Variants in REL observed in about 807,000 individuals in gnomAD.
REL encodes the protein proto-oncogene c-Rel.
REL carries 15 observed loss-of-function variants against 45.9 expected under a neutral mutation model. The observed-to-expected ratio is 0.33, with a 90% confidence interval of 0.22 to 0.50. The LOEUF (loss-of-function observed/expected upper bound fraction) is 0.50. Among genes scored for constraint, REL ranks in the 20% least tolerant of loss-of-function variants. REL has a pLI of 0.98. For synonymous variants in REL, 239 were observed against 242.1 expected (o/e 0.99, Z 0.12); for missense variants, 601 against 715.2 (o/e 0.84, Z 1.82).
chr2:60,896,456 C>T (rs890741289), intron 3 of REL, among the ~76,000 whole-genome samples: 2 of 151,844 alleles, frequency 1.3e-5, no homozygotes, highest in Non-Finnish European at 2.9e-5. Context: ...TTATGTTTTT[C>T]TTTTAACTTA....
Position 60,921,819 on chromosome 2 carries a change from A to C in REL, c.1048A>C (p.Ser350Arg), listed in dbSNP as rs770151737. The C allele has an allele frequency of 1.9e-6, 3 of 1,614,080 alleles. No homozygotes were observed. Among genetic ancestry groups the C allele is most frequent in the Non-Finnish European group, 1.7e-6 (2 of 1,179,956 alleles). Residue 350 changes from serine (S) to arginine (R), a missense_variant, in exon 10 of 10, where the codon AGT (serine) becomes CGT (arginine). Physicochemically the swap from Ser to Arg is moderately radical, Grantham distance 110. This residue lies in a region of REL where 334 missense variants were observed against 333.1 expected (regional missense o/e 1.00). Coordinates refer to ENST00000394479, the MANE Select transcript of REL (RefSeq NM_001291746.2). ...VVREMPTGVS[S>R]QAESYYPSPG... Reference sequence around the variant, plus strand: ...GAGAGAAATGCCTACAGGGGTTTCAAGTCAAGCAGAATCCTACTATCCCTC... The same window carrying C: ...GAGAGAAATGCCTACAGGGGTTTCACGTCAAGCAGAATCCTACTATCCCTC...
intron 9 of REL, among the ~76,000 whole-genome samples, chr2:60,921,065 A>G (rs1048369698): frequency 2.6e-5 from 4 of 152,142 alleles, no homozygotes; most frequent in Admixed American, 2.6e-4. Context: ...ATAGCTCACA[A>G]AGCCTAAAAT....
Position 60,925,223 on chromosome 2 carries a change from T to G in REL, c.*2688T>G. 5.1e-6 allele frequency: 1 copy of G among 197,048 alleles called. No individual in the cohort carries two copies. The highest frequency in any genetic ancestry group is 1.1e-5 in the Non-Finnish European group (1 of 94,838). 12.2% of individuals were successfully genotyped at this position (197,048 alleles called of 1,614,324 possible). A position where few individuals can be genotyped will look rare whatever the true frequency, so the allele number is the denominator to read the frequency against. On this transcript the variant is annotated 3_prime_UTR_variant, in exon 10 of 10. Coordinates refer to ENST00000394479, the MANE Select transcript of REL (RefSeq NM_001291746.2). ...TCCTAGCAAGAAACAGTCTGTCATT[T>G]TACTTACACGATGTCTAACCAAACC...
At chr2:60,908,021 C>T (rs755980884) in intron 4 of REL, among the ~76,000 whole-genome samples, 2 of 152,012 alleles carry the variant, frequency 1.3e-5, no homozygotes, top group Non-Finnish European at 2.9e-5. Context: ...AAAAATATCA[C>T]AGTTGTTTTC....
At position 60,928,354 on chromosome 2, in the gene REL, C is replaced by G. The variant is rs568024457; in HGVS notation, c.*5819C>G. The G allele has an allele frequency of 1.3e-5, 2 of 152,008 alleles. No individual in the cohort carries two copies. The highest frequency in any genetic ancestry group is 4.8e-5 in the African/African-American group (2 of 41,444). The allele number at this position is 152,008 out of a possible 1,614,324, so 9.4% of individuals were successfully genotyped here. ...AGTTCATATGGAACCAAAAAAGAGCCCATATCGCCAAGTCAATCCTAAGCC... is the reference window on the plus strand; with the variant it reads ...AGTTCATATGGAACCAAAAAAGAGCGCATATCGCCAAGTCAATCCTAAGCC... On this transcript the variant is annotated 3_prime_UTR_variant, in exon 10 of 10. Coordinates refer to ENST00000394479, the MANE Select transcript of REL (RefSeq NM_001291746.2).
Position 60,901,080 on chromosome 2 carries a change from A to C in REL, c.391A>C (p.Asn131His), listed in dbSNP as rs1673480838. Residue 131 changes from asparagine (N) to histidine (H), a missense_variant, in exon 4 of 10, where the codon AAT becomes CAT. Asn to His is a moderately conservative substitution (Grantham distance 68). Around this residue, in one of 4 missense-constraint regions of REL, gnomAD observed 241 missense variants for 347.0 expected, o/e 0.69. Transcript: ENST00000394479. ...TRIKAGINPF[N>H]VPEKQLNDIE... ...AATAAAGGCAGGAATCAATCCATTC[A>C]ATGGTAAGTATGTTTGATAAAATCA... 5.0e-6 allele frequency: 8 copies of C among 1,588,506 alleles called. No homozygotes were observed. The highest frequency in any genetic ancestry group is 6.8e-6 in the Non-Finnish European group (8 of 1,170,972).
chr2:60,884,624 G>T (rs556494104), intron 1 of REL, among the ~76,000 whole-genome samples: 1 of 152,134 alleles, frequency 6.6e-6, no homozygotes, highest in African/African-American at 2.4e-5. Context: ...CCTTCTCATT[G>T]TTCCAGTAAA....
intron 8 of REL, 111 bp downstream of exon 8, chr2:60,920,220 G>A: frequency 1.1e-6 from 1 of 880,408 alleles, no homozygotes; most frequent in Non-Finnish European, 1.8e-6. Flanking sequence ...TTTGTTTTTT[G>A]AGATAGCATC....
rs1429265 is a variant in REL, at chr2:60,925,947, G to T, written c.*3412G>T. 0.96 allele frequency: 217,203 copies of T among 226,354 alleles called. 104,273 individuals are homozygous for T. The highest frequency in any genetic ancestry group is 1 in the East Asian group (15,714 of 15,730). 14.0% of individuals were successfully genotyped at this position (226,354 alleles called of 1,614,324 possible). On this transcript the variant is annotated 3_prime_UTR_variant, in exon 10 of 10. Coordinates refer to ENST00000394479, the MANE Select transcript of REL (RefSeq NM_001291746.2). ...AATTAAGGTTCTGCTACCTCTGTGT[G>T]TAGAATATTCCCAATGGATTTTTCA...
At chr2:60,904,190 C>G (rs1233260068) in intron 4 of REL, among the ~76,000 whole-genome samples, 2 of 150,088 alleles carry the variant, frequency 1.3e-5, no homozygotes, top group African/African-American at 2.5e-5. Flanking sequence ...ATCACGAGAT[C>G]AGGAGTTCGA....
intron 1 of REL, among the ~76,000 whole-genome samples, chr2:60,890,792 C>T (rs759792727): frequency 5.3e-5 from 8 of 152,156 alleles, no homozygotes; most frequent in Non-Finnish European, 8.8e-5. Flanking sequence ...CCCTGCCTTT[C>T]CTATCCACCA....
Position 60,924,014 on chromosome 2 carries a change from G to A in REL, c.*1479G>A, listed in dbSNP as rs1256092221. 1 of 232,804 alleles carries A rather than the reference G, an allele frequency of 4.3e-6. No homozygotes were observed. Among genetic ancestry groups the A allele is most frequent in the East Asian group, 6.1e-5 (1 of 16,524 alleles). The allele number at this position is 232,804 out of a possible 1,614,324, so 14.4% of individuals were successfully genotyped here. A position where few individuals can be genotyped will look rare whatever the true frequency, so the allele number is the denominator to read the frequency against. On this transcript the variant is annotated 3_prime_UTR_variant, in exon 10 of 10. Transcript: ENST00000394479. ...CTCCTCATGCAGCTCCAGGCACCTT[G>A]GCCTCAGTGCTCCTCAAAGCATCAA... is the stretch of plus-strand genomic sequence containing the variant.
chr2:60,914,840 T>TG (rs1054181663), intron 4 of REL, among the ~76,000 whole-genome samples: 2 of 147,454 alleles, frequency 1.4e-5, no homozygotes, highest in African/African-American at 2.6e-5. Flanking sequence ...TTTTTGTTTT[T>TG]TTTTTTTTTT....
intron 4 of REL, among the ~76,000 whole-genome samples, chr2:60,914,827 GT>G (rs1416967378): frequency 2.3e-5 from 3 of 130,378 alleles, no homozygotes; most frequent in Non-Finnish European, 1.7e-5. Flanking sequence ...CCCATAGCTT[GT>G]TTTTTTGTTT....
intron 4 of REL, among the ~76,000 whole-genome samples, chr2:60,912,948 G>A (rs187026178): frequency 6.6e-6 from 1 of 151,932 alleles, no homozygotes; most frequent in African/African-American, 2.4e-5. Context: ...GCTGAAGATG[G>A]ATTAAAGGCT....
intron 1 of REL, among the ~76,000 whole-genome samples, chr2:60,882,590 G>A (rs886377443): frequency 2.6e-5 from 4 of 151,994 alleles, no homozygotes; most frequent in Non-Finnish European, 5.9e-5. Flanking sequence ...CAGGAGAATC[G>A]CTTGAACCTG....
chr2:60,913,049 G>A (rs896622579), intron 4 of REL, among the ~76,000 whole-genome samples: 2 of 151,938 alleles, frequency 1.3e-5, no homozygotes, highest in Non-Finnish European at 2.9e-5. Context: ...GACACAAAGT[G>A]TTTTCTATAA....
Position 60,881,733 on chromosome 2 carries a change from C to T in REL, c.-108C>T, listed in dbSNP as rs1038371664. ...GGAGGCCTCTAGGGTGGTCGGGGGA[C>T]TGGGGGCCCCGCCGGCAGAGGTCCC... is the stretch of plus-strand genomic sequence containing the variant. On this transcript the variant is annotated 5_prime_UTR_variant, in exon 1 of 10. Coordinates refer to ENST00000394479, the MANE Select transcript of REL (RefSeq NM_001291746.2). The T allele has an allele frequency of 6.6e-5, 65 of 989,746 alleles. No homozygotes were observed. Among genetic ancestry groups the T allele is most frequent in the Non-Finnish European group, 9.0e-5 (60 of 666,910 alleles). 61.3% of individuals were successfully genotyped at this position (989,746 alleles called of 1,614,324 possible). A position where few individuals can be genotyped will look rare whatever the true frequency, so the allele number is the denominator to read the frequency against.
chr2:60,928,522 T>C lies in REL; in HGVS notation c.*5987T>C, dbSNP rs1463144544. On this transcript the variant is annotated 3_prime_UTR_variant, in exon 10 of 10. Transcript: ENST00000394479. ...CAGAGCCCTCAGAAATAACGCCGCA[T>C]ATCTACAACTATCTGATCTTTGACA... The C allele has an allele frequency of 6.9e-6, 1 of 145,664 alleles. No individual in the cohort carries two copies. Among genetic ancestry groups the C allele is most frequent in the African/African-American group, 2.5e-5 (1 of 39,218 alleles). 9.0% of individuals were successfully genotyped at this position (145,664 alleles called of 1,614,324 possible).
Sources: gnomAD v4.1 joint callset for allele counts (sites outside exome capture counted in the v4.1 genomes callset) on GRCh38, gnomAD v4.1.1 for gene constraint, gnomAD v4.1.1 regional missense constraint, MANE v1.5 for transcripts, NCBI Gene and HGNC (gene_info 2026-07-23, HGNC 2026-07-21) for gene names.